Variants in FAT4 observed in about 807,000 individuals in gnomAD.
The protein encoded by FAT4 is FAT atypical cadherin 4.
In FAT4, 84 loss-of-function variants were observed where a neutral mutation model predicts 303.9. The ratio of observed to expected loss-of-function variants is 0.28; its 90% confidence interval spans 0.23 to 0.33. FAT4 has a LOEUF of 0.33. Among genes scored for constraint, FAT4 ranks in the 10% least tolerant of loss-of-function variants. FAT4 has a pLI of 1.00. For synonymous variants in FAT4, 2,307 were observed against 2,298.8 expected (o/e 1.00, Z -0.10); for missense variants, 6,005 against 6,146.8 (o/e 0.98, Z 0.77).
At chr4:125,341,313 GTT>G (rs908654140) in intron 2 of FAT4, among the ~76,000 whole-genome samples, 1 of 152,088 alleles carries the variant, frequency 6.6e-6, no homozygotes, top group Non-Finnish European at 1.5e-5. Context: ...TGTATGAGGT[GTT>G]TTTAAAAGAG....
chr4:125,420,812 G>A (rs557997026), intron 7 of FAT4, among the ~76,000 whole-genome samples: 11 of 152,218 alleles, frequency 7.2e-5, no homozygotes, highest in Admixed American at 4.6e-4. Flanking sequence ...TCTATTAGAC[G>A]TTTCTAGACA....
chr4:125,452,541 C>A lies in FAT4; in HGVS notation c.11531C>A (p.Pro3844His), dbSNP rs142291617. The A allele has an allele frequency of 1.2e-6, 2 of 1,614,044 alleles. No individual in the cohort carries two copies. Among genetic ancestry groups the A allele is most frequent in the African/African-American group, 1.3e-5 (1 of 74,948 alleles). ...CCAGTCATCATCGTGGCAAATGAACCTCTGCAGCCTTTCTTATGCAAGTGT... is the reference window on the plus strand; with the variant it reads ...CCAGTCATCATCGTGGCAAATGAACATCTGCAGCCTTTCTTATGCAAGTGT... ...SLPVIIVANE[P>H]LQPFLCKCLP... Residue 3844 changes from proline to histidine, a missense_variant, in exon 10 of 18, where the codon CCT (proline) becomes CAT (histidine). By Grantham distance (77) the Pro-to-His change is moderately conservative. Transcript: ENST00000394329.
rs1216770064 is a variant in FAT4 at position 125,490,500 on chromosome 4, G to A, written c.13684G>A (p.Asp4562Asn). Residue 4562 changes from aspartate to asparagine, a missense_variant, in exon 18 of 18, where the codon GAC becomes AAC. Asp to Asn is a conservative substitution (Grantham distance 23). Transcript: ENST00000394329. ...TGAGAACGTTGCTTTTGATGACCCT[G>A]ACAATATCCCTCCCTATGGGGATGA... is the stretch of plus-strand genomic sequence containing the variant. ...GSENVAFDDP[D>N]NIPPYGDDMT... is the part of the protein sequence containing the mutation. 2 of 1,614,034 alleles carry A rather than the reference G, an allele frequency of 1.2e-6. No homozygotes were observed. Among genetic ancestry groups the A allele is most frequent in the Non-Finnish European group, 1.7e-6 (2 of 1,180,040 alleles).
At chr4:125,392,786 T>C (rs1377906640) in intron 2 of FAT4, among the ~76,000 whole-genome samples, 1 of 152,154 alleles carries the variant, frequency 6.6e-6, no homozygotes, top group Non-Finnish European at 1.5e-5. Context: ...CTTGTTGACA[T>C]AAAATGCATA....
chr4:125,412,764 A>G (rs1194633690), intron 5 of FAT4, among the ~76,000 whole-genome samples: 1 of 151,938 alleles, frequency 6.6e-6, no homozygotes, highest in Non-Finnish European at 1.5e-5. Flanking sequence ...GTAAAATGTC[A>G]GTATTTTTAA....
At chr4:125,472,249 T>C in intron 12 of FAT4, among the ~76,000 whole-genome samples, 1 of 152,226 alleles carries the variant, frequency 6.6e-6, no homozygotes, top group Non-Finnish European at 1.5e-5. Context: ...ATAATTGTAT[T>C]TCTGACTTCA....
At chr4:125,359,426 A>G (rs1030922241) in intron 2 of FAT4, among the ~76,000 whole-genome samples, 1 of 152,192 alleles carries the variant, frequency 6.6e-6, no homozygotes, top group Non-Finnish European at 1.5e-5. Flanking sequence ...GAGTTCATAC[A>G]TATTCATTAA....
intron 17 of FAT4, among the ~76,000 whole-genome samples, chr4:125,489,350 G>A (rs1009529570): frequency 1.3e-5 from 2 of 152,056 alleles, no homozygotes; most frequent in Non-Finnish European, 2.9e-5. Context: ...TAACACCAGA[G>A]GTATGTTTTT....
rs775501374 is a variant in FAT4 at position 125,318,430 on chromosome 4, T to A, written c.2019T>A (p.Ala673=). ...GCTCCCCTCCCCAGTCATCAATGGC[T>A]CGCATAAATGTGAGTCTTCTGGATA... The part of the protein sequence containing the change: ...DLGSPPQSSM[A]RINVSLLDIN... The change falls in exon 2 of 18, where the codon GCT becomes GCA. Residue 673 remains alanine (A), a synonymous_variant. Transcript: ENST00000394329. 6.2e-7 allele frequency: 1 copy of A among 1,614,164 alleles called. No homozygotes were observed. The highest frequency in any genetic ancestry group is 1.7e-5 in the Admixed American group (1 of 60,026).
chr4:125,478,793 G>A (rs539183882), intron 14 of FAT4, among the ~76,000 whole-genome samples: 1 of 152,204 alleles, frequency 6.6e-6, no homozygotes, highest in African/African-American at 2.4e-5. Flanking sequence ...CTCCCAAAGT[G>A]CTGGGATTAT....
Position 125,491,413 on chromosome 4 carries a change from C to T in FAT4, c.14597C>T (p.Thr4866Ile), listed in dbSNP as rs759571874. ...EYDREKPMVY[T>I]SRMPKLSQVN... Reference sequence around the variant, plus strand: ...GACAGGGAGAAGCCAATGGTATATACTTCCAGAATGCCCAAATTATCTCAA... The same window carrying T: ...GACAGGGAGAAGCCAATGGTATATATTTCCAGAATGCCCAAATTATCTCAA... Residue 4866 changes from threonine to isoleucine, a missense_variant, in exon 18 of 18, where the codon ACT (threonine) becomes ATT (isoleucine). Thr to Ile is a moderately conservative substitution (Grantham distance 89). Transcript: ENST00000394329. 25 of 1,614,140 alleles carry T rather than the reference C, an allele frequency of 1.5e-5. No individual in the cohort carries two copies. The highest frequency in any genetic ancestry group is 1.9e-5 in the Non-Finnish European group (23 of 1,179,996).
chr4:125,355,998 C>T (rs937276949), intron 2 of FAT4, among the ~76,000 whole-genome samples: 13 of 151,726 alleles, frequency 8.6e-5, no homozygotes, highest in African/African-American at 2.7e-4. Flanking sequence ...TTTTTTCTGT[C>T]GGCAGTGTAT....
chr4:125,346,433 A>C (rs11737230), intron 2 of FAT4, among the ~76,000 whole-genome samples: 3 of 151,624 alleles, frequency 2.0e-5, no homozygotes, highest in African/African-American at 7.3e-5. Flanking sequence ...TGACAAACCA[A>C]TGAGCACAAA....
intron 8 of FAT4, among the ~76,000 whole-genome samples, chr4:125,436,576 G>A (rs1470801297): frequency 6.6e-6 from 1 of 152,152 alleles, no homozygotes; most frequent in Non-Finnish European, 1.5e-5. Flanking sequence ...ACATACCTGA[G>A]ACTGGGTAAT....
At chr4:125,345,910 C>A (rs183474124) in intron 2 of FAT4, among the ~76,000 whole-genome samples, 14 of 152,168 alleles carry the variant, frequency 9.2e-5, no homozygotes, top group Admixed American at 4.6e-4. Flanking sequence ...TGAGATCAAT[C>A]TTTTGGAGAA....
Position 125,481,720 on chromosome 4 carries a change from C to G in FAT4, c.12804C>G (p.Ser4268Arg), listed in dbSNP as rs572943968. The part of the protein sequence containing the change: ...NGVLIHIQES[S>R]NYTTVKIKNG... Reference sequence around the variant, plus strand: ...TTTTAATCCATATCCAAGAAAGCAGCAATTACACTACTGTGAAGGTGAGAT... The same window carrying G: ...TTTTAATCCATATCCAAGAAAGCAGGAATTACACTACTGTGAAGGTGAGAT... Residue 4268 changes from serine to arginine, a missense_variant, in exon 16 of 18, where the codon AGC becomes AGG. Coordinates refer to ENST00000394329, the MANE Select transcript of FAT4 (RefSeq NM_001291303.3). The G allele has an allele frequency of 3.7e-6, 6 of 1,613,906 alleles. No homozygotes were observed. The South Asian group carries it at 5.5e-5, about 15-fold the overall frequency.
At chr4:125,375,519 C>A (rs1244524545) in intron 2 of FAT4, among the ~76,000 whole-genome samples, 1 of 152,154 alleles carries the variant, frequency 6.6e-6, no homozygotes, top group African/African-American at 2.4e-5. Flanking sequence ...AGAGAGGTTT[C>A]TGGGACTTTG....
Position 125,318,444 on chromosome 4 carries a change from G to A in FAT4, c.2033G>A (p.Ser678Asn), listed in dbSNP as rs372437706. The A allele has an allele frequency of 7.4e-6, 12 of 1,613,998 alleles. No homozygotes were observed. The African/African-American group carries it at 1.6e-4, about 22-fold the overall frequency. The change falls in exon 2 of 18, where the codon AGT (serine) becomes AAT (asparagine). Residue 678 changes from serine to asparagine, a missense_variant. Ser to Asn is a conservative substitution (Grantham distance 46). Coordinates refer to ENST00000394329, the MANE Select transcript of FAT4 (RefSeq NM_001291303.3). ...PQSSMARINV[S>N]LLDINDNSPV... Reference sequence around the variant, plus strand: ...TCATCAATGGCTCGCATAAATGTGAGTCTTCTGGATATAAATGATAACAGC... The same window carrying A: ...TCATCAATGGCTCGCATAAATGTGAATCTTCTGGATATAAATGATAACAGC...
chr4:125,412,923 T>C (rs1232122614), intron 5 of FAT4, among the ~76,000 whole-genome samples: 1 of 151,822 alleles, frequency 6.6e-6, no homozygotes. Context: ...GGGGATTCAA[T>C]ATTTACTGAT....
Sources: allele counts gnomAD v4.1 joint callset (sites outside exome capture counted in the v4.1 genomes callset), GRCh38; gene constraint gnomAD v4.1.1; transcripts MANE v1.5; gene names NCBI Gene and HGNC (gene_info 2026-07-23, HGNC 2026-07-21).